The following CCSER1 variants were observed in gnomAD, a reference collection of about 807,000 sequenced individuals.
CCSER1 encodes serine-rich coiled-coil domain-containing protein 1.
Under a neutral mutation model 82.0 loss-of-function variants are expected in CCSER1, and 41 were observed. The observed-to-expected ratio is 0.50, with a 90% CI of 0.39 to 0.65. The LOEUF (loss-of-function observed/expected upper bound fraction) is 0.65, where lower values mean the gene tolerates loss of function less well. Among genes scored for constraint, CCSER1 ranks in the 30% least tolerant of loss-of-function variants. CCSER1 has a pLI of 0.00. For synonymous variants in CCSER1, 414 were observed against 383.9 expected (o/e 1.08, Z -0.92); for missense variants, 1,119 against 1,064.2 (o/e 1.05, Z -0.72).
chr4:91,447,696 A>G (rs995505516), intron 10 of CCSER1, among the ~76,000 whole-genome samples: 1 of 152,180 alleles, frequency 6.6e-6, no homozygotes, highest in East Asian at 1.9e-4. Flanking sequence ...TTTATGCAGT[A>G]ATGCTAGAAA....
chr4:90,534,505 CTA>C (rs1330656943), intron 5 of CCSER1, among the ~76,000 whole-genome samples: 1 of 148,690 alleles, frequency 6.7e-6, no homozygotes, highest in African/African-American at 2.5e-5. Flanking sequence ...TACCTATTCT[CTA>C]TATTAAAAAC....
chr4:90,914,458 C>T (rs1437164780), intron 8 of CCSER1, among the ~76,000 whole-genome samples: 2 of 152,062 alleles, frequency 1.3e-5, no homozygotes, highest in Non-Finnish European at 2.9e-5. Flanking sequence ...AGAACAAAGA[C>T]ACAACAAACT....
intron 10 of CCSER1, among the ~76,000 whole-genome samples, chr4:91,288,109 T>TATATATATAGG (rs1560567891): frequency 6.4e-5 from 3 of 47,042 alleles, no homozygotes; most frequent in African/African-American, 1.8e-4. Flanking sequence ...ATATATAGGA[T>TATATATATAGG]ATATATATAT....
At chr4:91,295,588 G>A (rs1354954626) in intron 10 of CCSER1, among the ~76,000 whole-genome samples, 4 of 151,790 alleles carry the variant, frequency 2.6e-5, no homozygotes, top group Non-Finnish European at 4.4e-5. Flanking sequence ...CAAAGATCAT[G>A]AACAATTATT....
intron 10 of CCSER1, among the ~76,000 whole-genome samples, chr4:91,548,822 T>C (rs901265697): frequency 6.6e-6 from 1 of 152,132 alleles, no homozygotes; most frequent in Non-Finnish European, 1.5e-5. Flanking sequence ...AGTTTAAATA[T>C]GTTATGCCTA....
At chr4:90,386,642 G>T (rs1750104290) in intron 3 of CCSER1, among the ~76,000 whole-genome samples, 1 of 152,132 alleles carries the variant, frequency 6.6e-6, no homozygotes, top group African/African-American at 2.4e-5. Context: ...AAATAAATAA[G>T]TAGGACCAAA....
Position 91,513,522 on chromosome 4 carries a change from G to A in CCSER1, c.2218-85050G>A, listed in dbSNP as rs191443748. 6.3e-3 allele frequency among the ~76,000 whole-genome samples: 964 copies of A among 152,200 alleles called. 5 individuals carry two copies. Among genetic ancestry groups the A allele is most frequent in the Middle Eastern group, 0.01 (3 of 294 alleles). ...CCCTCCTCATCAGTTTTTTTGAATA[G>A]TTTCAGTAGGATCAGTAACAGCTCT... On this transcript the variant is annotated intron_variant, in intron 10 of 10. Coordinates refer to ENST00000509176, the MANE Select transcript of CCSER1 (RefSeq NM_001145065.2).
At chr4:91,437,793 C>A (rs540302175) in intron 10 of CCSER1, among the ~76,000 whole-genome samples, 2 of 152,340 alleles carry the variant, frequency 1.3e-5, no homozygotes, top group East Asian at 3.9e-4. Context: ...TCCGCTTTTA[C>A]AAAGGGCTTA....
chr4:90,788,339 C>CA (rs907854847), intron 7 of CCSER1, among the ~76,000 whole-genome samples: 2 of 151,860 alleles, frequency 1.3e-5, no homozygotes, highest in South Asian at 2.1e-4. Context: ...CTAAGGCTGT[C>CA]AAAAAAAGTA....
intron 10 of CCSER1, among the ~76,000 whole-genome samples, chr4:91,183,146 G>A (rs1450473965): frequency 3.3e-5 from 5 of 152,210 alleles, no homozygotes; most frequent in Non-Finnish European, 5.9e-5. Flanking sequence ...TTGCAATTCG[G>A]TAAATAAAGT....
rs1252009937 is a variant in CCSER1 at position 91,012,140 on chromosome 4, A to G, written c.2173-73810A>G. Among the ~76,000 whole-genome samples, 6 of 134,924 alleles carry G rather than the reference A, an allele frequency of 4.4e-5. 1 individual carries two copies. Among genetic ancestry groups the G allele is most frequent in the Non-Finnish European group, 1.7e-5 (1 of 57,908 alleles). The allele number at this position is 134,924 out of a possible 152,430, so 88.5% of individuals were successfully genotyped here. Reference sequence around the variant, plus strand: ...AAGAGGCAATGTGCCACTTCAGCCCAGGCTCAGGGGCTATGACTTCTCAGG... The same window carrying G: ...AAGAGGCAATGTGCCACTTCAGCCCGGGCTCAGGGGCTATGACTTCTCAGG... On this transcript the variant is annotated intron_variant, in intron 9 of 10. Coordinates refer to ENST00000509176, the MANE Select transcript of CCSER1 (RefSeq NM_001145065.2).
chr4:90,996,923 T>C (rs1467045362), intron 9 of CCSER1, among the ~76,000 whole-genome samples: 1 of 152,148 alleles, frequency 6.6e-6, no homozygotes, highest in Non-Finnish European at 1.5e-5. Context: ...TTTGGATTAC[T>C]TCTGGTTGTT....
In CCSER1 at chr4:91,312,018, T is replaced by C. The variant is rs529579250; in HGVS notation, c.2217+226024T>C. On this transcript the variant is annotated intron_variant, in intron 10 of 10. Transcript: ENST00000509176. ...AGTGAGGAGGAAATTATTCTGATTTTTAAAATATAGAAAAGCTAAAAAACA... is the reference window on the plus strand; with the variant it reads ...AGTGAGGAGGAAATTATTCTGATTTCTAAAATATAGAAAAGCTAAAAAACA... Among the ~76,000 whole-genome samples the C allele has an allele frequency of 3.3e-5, 5 of 151,838 alleles. No individual in the cohort carries two copies. The South Asian group carries it at 1.0e-3, about 31-fold the overall frequency.
At chr4:91,463,349 C>T (rs1197086596) in intron 10 of CCSER1, among the ~76,000 whole-genome samples, 1 of 152,158 alleles carries the variant, frequency 6.6e-6, no homozygotes, top group Non-Finnish European at 1.5e-5. Context: ...CACCAAAACC[C>T]CATCTGGACG....
chr4:91,574,700 T>TA (rs1482188476), intron 10 of CCSER1, among the ~76,000 whole-genome samples: 1 of 151,936 alleles, frequency 6.6e-6, no homozygotes, highest in Non-Finnish European at 1.5e-5. Context: ...ATCATGGGCA[T>TA]AAAAATGACA....
chr4:91,505,324 T>G (rs1759429233), intron 10 of CCSER1, among the ~76,000 whole-genome samples: 1 of 152,252 alleles, frequency 6.6e-6, no homozygotes, highest in African/African-American at 2.4e-5. Context: ...CCACATTTTC[T>G]TTAATCAGTC....
chr4:90,979,514 T>C (rs902803599), intron 9 of CCSER1, among the ~76,000 whole-genome samples: 10 of 151,822 alleles, frequency 6.6e-5, no homozygotes, highest in Non-Finnish European at 1.2e-4. Flanking sequence ...CATTTATTTT[T>C]TCGTTATGCA....
intron 10 of CCSER1, among the ~76,000 whole-genome samples, chr4:91,368,512 C>T (rs1383574993): frequency 1.3e-5 from 2 of 152,024 alleles, no homozygotes; most frequent in African/African-American, 4.8e-5. Flanking sequence ...TAAAAGCATA[C>T]ATTTTAGTTG....
chr4:91,231,963 G>A (rs1581812677), intron 10 of CCSER1, among the ~76,000 whole-genome samples: 1 of 151,482 alleles, frequency 6.6e-6, no homozygotes, highest in East Asian at 1.9e-4. Flanking sequence ...AAAACATTTG[G>A]GACTTTACAA....
Sources: gnomAD v4.1 joint callset for allele counts (sites outside exome capture counted in the v4.1 genomes callset) on GRCh38, gnomAD v4.1.1 for gene constraint, MANE v1.5 for transcripts, NCBI Gene and HGNC (gene_info 2026-07-23, HGNC 2026-07-21) for gene names.